The following RBMS3 variants were observed in gnomAD, a reference collection of about 807,000 sequenced individuals.
The protein encoded by RBMS3 is RNA binding motif single stranded interacting protein 3.
Under a neutral mutation model 66.8 loss-of-function variants are expected in RBMS3, and 27 were observed. That is an observed-to-expected ratio of 0.40 (90% CI 0.30 to 0.56). The LOEUF is 0.56. Among genes scored for constraint, RBMS3 ranks in the 20% least tolerant of loss-of-function variants. RBMS3 has a pLI of 0.40. For synonymous variants in RBMS3, 188 were observed against 183.0 expected, an observed-to-expected ratio of 1.03 and a Z score of -0.22; for missense variants, 513 against 549.5, an observed-to-expected ratio of 0.93 and a Z score of 0.66.
intron 4 of RBMS3, among the ~76,000 whole-genome samples, chr3:29,623,254 C>T (rs1234167685): frequency 6.6e-6 from 1 of 151,304 alleles, no homozygotes; most frequent in Non-Finnish European, 1.5e-5. Context: ...TAAAGCACTA[C>T]TTTAAATATA....
At chr3:29,543,792 G>A (rs2045851625) in intron 3 of RBMS3, among the ~76,000 whole-genome samples, 1 of 152,160 alleles carries the variant, frequency 6.6e-6, no homozygotes, top group African/African-American at 2.4e-5. Context: ...TGCTTAAGGT[G>A]TGTTCTGTAA....
Position 30,003,880 on chromosome 3 carries a change from C to G in RBMS3, c.*18C>G, listed in dbSNP as rs749009624. ...GACCATAAACAGGACTGAAGAATGT[C>G]TGTCTGAATCTTTGCCTTGAATGAA... On this transcript the variant is annotated 3_prime_UTR_variant, in exon 15 of 15. Coordinates refer to ENST00000383767, the MANE Select transcript of RBMS3 (RefSeq NM_001003793.3). 7.6e-6 allele frequency: 11 copies of G among 1,443,706 alleles called. No individual in the cohort carries two copies. The highest frequency in any genetic ancestry group is 9.2e-6 in the Non-Finnish European group (10 of 1,091,150). The allele number at this position is 1,443,706 out of a possible 1,614,324, so 89.4% of individuals were successfully genotyped here. A position where few individuals can be genotyped will look rare whatever the true frequency, so the allele number is the denominator to read the frequency against.
At chr3:29,632,410 ATTGT>A (rs2049318620) in intron 4 of RBMS3, among the ~76,000 whole-genome samples, 1 of 151,924 alleles carries the variant, frequency 6.6e-6, no homozygotes, top group Admixed American at 6.6e-5. Flanking sequence ...TCTGATTATA[ATTGT>A]TTAAGATTTA....
chr3:29,752,590 C>A (rs2055231282), intron 5 of RBMS3, among the ~76,000 whole-genome samples: 1 of 152,146 alleles, frequency 6.6e-6, no homozygotes, highest in Non-Finnish European at 1.5e-5. Flanking sequence ...ATATATGTTG[C>A]TAGTAAAATG....
chr3:29,427,082 A>G (rs2125711235), intron 1 of RBMS3, among the ~76,000 whole-genome samples: 1 of 152,346 alleles, frequency 6.6e-6, no homozygotes, highest in South Asian at 2.1e-4. Flanking sequence ...AGGCCAGTTG[A>G]TAGAGAATAT....
intron 1 of RBMS3, among the ~76,000 whole-genome samples, chr3:29,347,801 G>A (rs1272342255): frequency 6.6e-6 from 1 of 152,188 alleles, no homozygotes; most frequent in Non-Finnish European, 1.5e-5. Flanking sequence ...AAGAGGGAGA[G>A]AATGCAAACT....
At chr3:29,825,405 C>A (rs1052819571) in intron 6 of RBMS3, among the ~76,000 whole-genome samples, 4 of 152,068 alleles carry the variant, frequency 2.6e-5, no homozygotes, top group African/African-American at 9.7e-5. Flanking sequence ...TGTTTCCCCA[C>A]CCAAATCTCA....
intron 3 of RBMS3, among the ~76,000 whole-genome samples, chr3:29,550,114 T>G (rs1373852488): frequency 6.6e-6 from 1 of 152,250 alleles, no homozygotes; most frequent in Non-Finnish European, 1.5e-5. Context: ...GATCTCATTC[T>G]TCCTTTCCAA....
chr3:29,594,004 T>C (rs940175744), intron 4 of RBMS3, among the ~76,000 whole-genome samples: 1 of 152,172 alleles, frequency 6.6e-6, no homozygotes, highest in Admixed American at 6.6e-5. Context: ...GGAAAAGCCT[T>C]TCTAATCACG....
intron 4 of RBMS3, among the ~76,000 whole-genome samples, chr3:29,595,227 T>A (rs1045547892): frequency 6.6e-6 from 1 of 151,598 alleles, no homozygotes; most frequent in African/African-American, 2.4e-5. Context: ...TGAAATCCTG[T>A]CTCTACTAAA....
chr3:29,671,880 C>T (rs971850381), intron 4 of RBMS3, among the ~76,000 whole-genome samples: 1 of 152,104 alleles, frequency 6.6e-6, no homozygotes, highest in Admixed American at 6.5e-5. Context: ...TCCAGGAGAA[C>T]TTCCCCAACC....
At chr3:29,326,912 A>C (rs570278955) in intron 1 of RBMS3, among the ~76,000 whole-genome samples, 1 of 151,906 alleles carries the variant, frequency 6.6e-6, no homozygotes, top group African/African-American at 2.4e-5. Flanking sequence ...TTGTATTTTT[A>C]GCAGAGACGG....
At chr3:29,935,973 TAAA>T in intron 10 of RBMS3, 110 bp from the exon 11 acceptor site, 3 of 882,524 alleles carry the variant, frequency 3.4e-6, no homozygotes, top group Admixed American at 2.8e-5. Flanking sequence ...GCCTTTTTAG[TAAA>T]AAAGTAAAAA....
chr3:29,727,368 G>A (rs554562637), intron 4 of RBMS3, among the ~76,000 whole-genome samples: 35 of 152,202 alleles, frequency 2.3e-4, no homozygotes, highest in African/African-American at 7.9e-4. Flanking sequence ...TGACAGATTG[G>A]ATCAAATCAA....
intron 10 of RBMS3, among the ~76,000 whole-genome samples, chr3:29,906,389 A>G (rs1387806941): frequency 1.3e-5 from 2 of 152,080 alleles, no homozygotes; most frequent in Non-Finnish European, 2.9e-5. Context: ...GGCAAAAACA[A>G]GAGAGCCAGA....
intron 4 of RBMS3, among the ~76,000 whole-genome samples, chr3:29,703,279 G>T (rs1311966481): frequency 6.6e-6 from 1 of 152,164 alleles, no homozygotes; most frequent in African/African-American, 2.4e-5. Context: ...CTATGATGAA[G>T]ACAGTAGGTA....
At chr3:29,518,233 T>G (rs188831554) in intron 3 of RBMS3, among the ~76,000 whole-genome samples, 1 of 152,148 alleles carries the variant, frequency 6.6e-6, no homozygotes, top group Non-Finnish European at 1.5e-5. Flanking sequence ...GTGGTTAAAT[T>G]TGGAGAAATA....
chr3:29,982,006 C>G (rs986082815), intron 12 of RBMS3, among the ~76,000 whole-genome samples: 1 of 152,144 alleles, frequency 6.6e-6, no homozygotes, highest in East Asian at 1.9e-4. Flanking sequence ...ATGGTACCAG[C>G]TCCTCTTTGT....
chr3:29,573,310 G>A (rs2149070322), intron 3 of RBMS3, among the ~76,000 whole-genome samples: 1 of 152,094 alleles, frequency 6.6e-6, no homozygotes, highest in South Asian at 2.1e-4. Flanking sequence ...TAGTAGAGAT[G>A]GGGTTTCACC....
Sources: gnomAD v4.1 joint callset for allele counts (sites outside exome capture counted in the v4.1 genomes callset) on GRCh38, gnomAD v4.1.1 for gene constraint, MANE v1.5 for transcripts, NCBI Gene and HGNC (gene_info 2026-07-23, HGNC 2026-07-21) for gene names.